Variants in DOCK5 observed in about 807,000 individuals in gnomAD.
The protein encoded by DOCK5 is dedicator of cytokinesis 5.
DOCK5 carries 142 observed loss-of-function variants against 251.8 expected under a neutral mutation model. The ratio of observed to expected loss-of-function variants is 0.56; its 90% CI spans 0.49 to 0.65. The LOEUF (loss-of-function observed/expected upper bound fraction) is 0.65. DOCK5 is among the 30% of genes least tolerant of loss of function. DOCK5 has a pLI of 0.00. For missense variants in DOCK5, 2,111 were observed against 2,312.3 expected (o/e 0.91, Z 1.79); for synonymous variants, 842 against 835.5 (o/e 1.01, Z -0.13).
rs1182862380 is a variant in DOCK5 at position 25,259,043 on chromosome 8, CG to C, written c.128-9795del. Among the ~76,000 whole-genome samples the C allele has an allele frequency of 9.2e-5, 14 of 151,938 alleles. No homozygotes were observed. In the East Asian group the frequency reaches 2.7e-3, roughly 30 times the overall value. ...CTGAGGCAGGAGAATTGCTTGAGCC[CG>C]GGGGGGCGGAGGTTGCAGTGAGGTG... On this transcript the variant is annotated intron_variant, in intron 2 of 51. Coordinates refer to ENST00000276440, the MANE Select transcript of DOCK5 (RefSeq NM_024940.8).
intron 26 of DOCK5, 97 bp from the exon 27 acceptor site, chr8:25,351,634 A>C (rs192561864): frequency 1.3e-4 from 119 of 907,358 alleles, no homozygotes; most frequent in Admixed American, 7.3e-4. Context: ...GGAAAAGCCA[A>C]AAAGAGATCT....
intron 49 of DOCK5, among the ~76,000 whole-genome samples, chr8:25,408,427 C>G (rs1360552457): frequency 6.6e-6 from 1 of 152,144 alleles, no homozygotes; most frequent in Non-Finnish European, 1.5e-5. Context: ...GCCACTCTGT[C>G]CCCTGAGTCA....
At chr8:25,405,247 T>G (rs1264673409) in intron 48 of DOCK5, among the ~76,000 whole-genome samples, 5 of 151,990 alleles carry the variant, frequency 3.3e-5, no homozygotes, top group African/African-American at 4.8e-5. Context: ...CCTTTCCCAC[T>G]CTAAGATAAC....
chr8:25,410,234 G>A (rs748182953), intron 51 of DOCK5, 32 bp downstream of exon 51: 8 of 1,587,566 alleles, frequency 5.0e-6, no homozygotes, highest in Non-Finnish European at 6.9e-6. Context: ...ACTGTGGCCA[G>A]GGAGCGCCAC....
At chr8:25,278,219 G>T (rs922061293) in intron 4 of DOCK5, among the ~76,000 whole-genome samples, 1 of 152,140 alleles carries the variant, frequency 6.6e-6, no homozygotes, top group African/African-American at 2.4e-5. Context: ...TGAAACAGCT[G>T]CTTGGTGGAA....
At chr8:25,259,327 TA>T (rs1803507396) in intron 2 of DOCK5, among the ~76,000 whole-genome samples, 1 of 152,132 alleles carries the variant, frequency 6.6e-6, no homozygotes, top group South Asian at 2.1e-4. Context: ...TGGTATAAGG[TA>T]AAGCAATGAG....
At chr8:25,334,323 A>G (rs1299213712) in intron 21 of DOCK5, 127 bp downstream of exon 21, 9 of 743,888 alleles carry the variant, frequency 1.2e-5, no homozygotes, top group Non-Finnish European at 1.4e-5. Flanking sequence ...CAGAACTCTT[A>G]TTCTAAGCTT....
intron 13 of DOCK5, among the ~76,000 whole-genome samples, chr8:25,314,108 CTTTTTTT>C (rs71214561): frequency 1.6e-4 from 18 of 115,246 alleles, no homozygotes; most frequent in Middle Eastern, 6.1e-3. Context: ...GGACTCCCCT[CTTTTTTT>C]TTTTTTTTTT....
chr8:25,336,103 C>A, intron 21 of DOCK5, 136 bp from the exon 22 acceptor site: 1 of 948,222 alleles, frequency 1.1e-6, no homozygotes, highest in Non-Finnish European at 1.5e-6. Flanking sequence ...TTTTGCTGTT[C>A]AGGGCATATT....
intron 2 of DOCK5, among the ~76,000 whole-genome samples, chr8:25,266,442 C>T (rs986863852): frequency 1.3e-5 from 2 of 151,834 alleles, no homozygotes; most frequent in African/African-American, 2.4e-5. Flanking sequence ...GTCTCGATCT[C>T]CTGACCTCGT....
At chr8:25,242,874 A>G (rs1802990665) in intron 1 of DOCK5, among the ~76,000 whole-genome samples, 2 of 152,154 alleles carry the variant, frequency 1.3e-5, no homozygotes, top group African/African-American at 4.8e-5. Context: ...TGGGCCTCAC[A>G]GGTGGCCTTT....
At chr8:25,336,827 A>AT (rs1322131084) in intron 22 of DOCK5, among the ~76,000 whole-genome samples, 1 of 152,214 alleles carries the variant, frequency 6.6e-6, no homozygotes, top group Non-Finnish European at 1.5e-5. Flanking sequence ...GATTTCTAGC[A>AT]TAACAGTTCC....
rs1801597980 is a variant in DOCK5, at chr8:25,410,214, A to C, written c.5508+12A>C. On this transcript the variant is annotated intron_variant, in intron 51 of 51. Transcript: ENST00000276440. ...GGAACTCCACTGAGGTAGGGAAATC[A>C]CAGCTGGCAACTGTGGCCAGGGAGC... 1 of 1,610,168 alleles carries C rather than the reference A, an allele frequency of 6.2e-7. No individual in the cohort carries two copies. The highest frequency in any genetic ancestry group is 1.7e-5 in the Admixed American group (1 of 59,792).
chr8:25,317,061 G>GGAA lies in DOCK5; in HGVS notation c.1382_1384dup (p.Lys461dup). 6.2e-7 allele frequency: 1 copy of GGAA among 1,613,936 alleles called. No homozygotes were observed. The highest frequency in any genetic ancestry group is 8.5e-7 in the Non-Finnish European group (1 of 1,179,864). On this transcript the variant is annotated inframe_insertion, in exon 14 of 52. Transcript: ENST00000276440. ...CTGATCCACGGTGAGTTTGACAAAG[G>GGAA]GAAGAAGAAGACGCCAAAGAATGTG...
At chr8:25,280,185 C>T (rs775299255) in intron 5 of DOCK5, among the ~76,000 whole-genome samples, 1 of 152,192 alleles carries the variant, frequency 6.6e-6, no homozygotes, top group Admixed American at 6.5e-5. Context: ...ATTCCTATGG[C>T]GAATGTATAT....
chr8:25,302,801 T>A (rs1442735452), intron 10 of DOCK5, among the ~76,000 whole-genome samples: 1 of 152,040 alleles, frequency 6.6e-6, no homozygotes, highest in Non-Finnish European at 1.5e-5. Flanking sequence ...ACTAAGTAAA[T>A]AAGTGAGACA....
At chr8:25,185,205 A>G (rs1801401942) in intron 1 of DOCK5, among the ~76,000 whole-genome samples, 1 of 151,910 alleles carries the variant, frequency 6.6e-6, no homozygotes, top group African/African-American at 2.4e-5. Context: ...CTTGCATCCC[A>G]ATCTCCGGCA....
chr8:25,236,519 T>A (rs555962834), intron 1 of DOCK5, among the ~76,000 whole-genome samples: 14 of 152,322 alleles, frequency 9.2e-5, no homozygotes, highest in African/African-American at 3.4e-4. Flanking sequence ...TTAGTTTTTA[T>A]AGAATGCATA....
intron 1 of DOCK5, among the ~76,000 whole-genome samples, chr8:25,220,170 C>T (rs1359081359): frequency 2.0e-5 from 3 of 151,748 alleles, no homozygotes; most frequent in African/African-American, 4.8e-5. Context: ...TGTTTCGTTT[C>T]GTTCCTTTCC....
Sources: gnomAD v4.1 joint callset for allele counts (sites outside exome capture counted in the v4.1 genomes callset) on GRCh38, gnomAD v4.1.1 for gene constraint, MANE v1.5 for transcripts, NCBI Gene and HGNC (gene_info 2026-07-23, HGNC 2026-07-21) for gene names.